ACYP2: variants seen among roughly 807,000 people sequenced by gnomAD.
ACYP2 encodes acylphosphatase 2, also known as acylphosphatase-2.
In ACYP2, 12 loss-of-function variants were observed where a neutral mutation model predicts 11.2. The ratio of observed to expected loss-of-function variants is 1.08; its 90% CI spans 0.69 to 1.74. ACYP2 has a LOEUF of 1.74. Among genes scored for constraint, ACYP2 ranks in the 40% most tolerant of loss-of-function variants. The probability of loss-of-function intolerance (pLI) is 0.00; values close to 1 mark genes in which losing one functional copy is unlikely to be tolerated. For synonymous variants in ACYP2, 43 were observed against 32.2 expected (o/e 1.33, Z -1.13); for missense variants, 134 against 101.9 (o/e 1.31, Z -1.35).
intron 6 of ACYP2, among the ~76,000 whole-genome samples, chr2:54,237,932 G>T (rs1268459147): frequency 6.6e-6 from 1 of 151,966 alleles, no homozygotes; most frequent in Non-Finnish European, 1.5e-5. Flanking sequence ...CCCATCCCCT[G>T]CCGTACTCTC....
intron 6 of ACYP2, among the ~76,000 whole-genome samples, chr2:54,245,641 T>C (rs967450597): frequency 2.0e-5 from 3 of 152,116 alleles, no homozygotes; most frequent in African/African-American, 7.2e-5. Context: ...TTTCCATGTA[T>C]TTTTTTGGAT....
At chr2:54,301,415 C>T (rs1330222950) in intron 6 of ACYP2, among the ~76,000 whole-genome samples, 1 of 152,172 alleles carries the variant, frequency 6.6e-6, no homozygotes, top group East Asian at 1.9e-4. Context: ...ATATAAATCA[C>T]ATTGCCTATC....
chr2:54,121,739 C>G (rs935628127), intron 4 of ACYP2, among the ~76,000 whole-genome samples: 1 of 152,168 alleles, frequency 6.6e-6, no homozygotes, highest in Non-Finnish European at 1.5e-5. Context: ...AGTAGTTATA[C>G]TTTGTGTTTA....
intron 6 of ACYP2, among the ~76,000 whole-genome samples, chr2:54,143,514 A>G (rs1294631997): frequency 6.6e-6 from 1 of 151,586 alleles, no homozygotes; most frequent in Non-Finnish European, 1.5e-5. Flanking sequence ...GCTTACTTCA[A>G]CCTCTGCCTC....
intron 2 of ACYP2, among the ~76,000 whole-genome samples, chr2:54,030,223 C>T (rs1186754271): frequency 2.0e-5 from 3 of 152,184 alleles, no homozygotes; most frequent in Non-Finnish European, 4.4e-5. Context: ...ATCTTATCTC[C>T]TTTACGGCTT....
At chr2:54,091,056 G>T (rs1011638146) in intron 4 of ACYP2, among the ~76,000 whole-genome samples, 3 of 152,200 alleles carry the variant, frequency 2.0e-5, no homozygotes, top group East Asian at 3.8e-4. Context: ...AGGCAGAGAA[G>T]AAACTCTACT....
chr2:54,186,088 G>A (rs1017977691), intron 6 of ACYP2, among the ~76,000 whole-genome samples: 1 of 152,080 alleles, frequency 6.6e-6, no homozygotes, highest in Non-Finnish European at 1.5e-5. Flanking sequence ...AATATCCCTA[G>A]TAGTTAACAA....
chr2:54,179,228 G>A (rs566713677), intron 6 of ACYP2, among the ~76,000 whole-genome samples: 25 of 144,304 alleles, frequency 1.7e-4, no homozygotes, highest in Non-Finnish European at 3.0e-4. Context: ...GTGACCAAAT[G>A]TAGGTGGTGT....
chr2:54,237,610 C>T (rs1686545253), intron 6 of ACYP2, among the ~76,000 whole-genome samples: 1 of 152,174 alleles, frequency 6.6e-6, no homozygotes, highest in African/African-American at 2.4e-5. Flanking sequence ...TTGATTCTTT[C>T]AAGAAGTCAG....
intron 6 of ACYP2, among the ~76,000 whole-genome samples, chr2:54,149,260 G>C (rs1013104198): frequency 1.3e-5 from 2 of 152,112 alleles, no homozygotes; most frequent in African/African-American, 2.4e-5. Context: ...ATACAACAGG[G>C]ACCATCATTT....
At chr2:54,088,892 A>G (rs1167760893) in intron 4 of ACYP2, among the ~76,000 whole-genome samples, 2 of 152,224 alleles carry the variant, frequency 1.3e-5, no homozygotes, top group African/African-American at 4.8e-5. Flanking sequence ...CGGTCACCAT[A>G]AAACATTCTA....
At chr2:54,127,300 G>A (rs1158631775) in intron 4 of ACYP2, among the ~76,000 whole-genome samples, 1 of 152,076 alleles carries the variant, frequency 6.6e-6, no homozygotes, top group Non-Finnish European at 1.5e-5. Context: ...CTCATATACA[G>A]ACTACAAATT....
At chr2:54,225,788 A>AT (rs138066573) in intron 6 of ACYP2, among the ~76,000 whole-genome samples, 10,583 of 150,078 alleles carry the variant, frequency 0.071, 543 homozygotes, top group South Asian at 0.22. Flanking sequence ...TACCTTAAGT[A>AT]TTTTTTTTTT....
intron 6 of ACYP2, among the ~76,000 whole-genome samples, chr2:54,193,480 G>A (rs13417493): frequency 0.23 from 34,989 of 152,066 alleles, 4,193 homozygotes; most frequent in East Asian, 0.38. Flanking sequence ...CCCTCCATCT[G>A]AATCAGGTGT....
chr2:54,265,640 C>T (rs1178388747), intron 6 of ACYP2, among the ~76,000 whole-genome samples: 1 of 152,204 alleles, frequency 6.6e-6, no homozygotes, highest in African/African-American at 2.4e-5. Context: ...CTCTGCTTCA[C>T]AGATAAATAT....
chr2:53,991,953 A>G (rs1413733495), intron 2 of ACYP2, among the ~76,000 whole-genome samples: 1 of 151,890 alleles, frequency 6.6e-6, no homozygotes, highest in Non-Finnish European at 1.5e-5. Flanking sequence ...GGCACATGAC[A>G]CCACACCCAG....
chr2:53,986,293 C>T (rs1672032917), intron 2 of ACYP2, among the ~76,000 whole-genome samples: 1 of 151,992 alleles, frequency 6.6e-6, no homozygotes, highest in Non-Finnish European at 1.5e-5. Context: ...AGCAGATTCC[C>T]GCACTATGCT....
intron 6 of ACYP2, among the ~76,000 whole-genome samples, chr2:54,298,500 C>T (rs1395863635): frequency 1.3e-5 from 2 of 152,160 alleles, no homozygotes; most frequent in Non-Finnish European, 2.9e-5. Context: ...GATAAAGCTA[C>T]AGCAATAAAA....
At chr2:54,093,169 A>G (rs1398683406) in intron 4 of ACYP2, among the ~76,000 whole-genome samples, 1 of 152,216 alleles carries the variant, frequency 6.6e-6, no homozygotes, top group Non-Finnish European at 1.5e-5. Flanking sequence ...AACCTAAGAC[A>G]TTAGGGCAAT....
Sources: gnomAD v4.1 joint callset for allele counts (sites outside exome capture counted in the v4.1 genomes callset) on GRCh38, gnomAD v4.1.1 for gene constraint, MANE v1.5 for transcripts, NCBI Gene and HGNC (gene_info 2026-07-23, HGNC 2026-07-21) for gene names.